Variants in CHM observed in about 807,000 individuals in gnomAD.
CHM encodes CHM Rab escort protein.
A neutral mutation model predicts 49.0 loss-of-function variants in CHM; 10 were observed. The observed-to-expected ratio is 0.20, with a 90% confidence interval of 0.13 to 0.35. The LOEUF is 0.35. CHM is among the 10% of genes least tolerant of loss of function. The pLI is 1.00. For synonymous variants in CHM, 184 were observed against 167.5 expected (o/e 1.10, Z -0.76); for missense variants, 455 against 478.4 (o/e 0.95, Z 0.46).
rs1009605685 is a variant in CHM at position 85,947,968 on chromosome X, C to T, written c.1166+8185G>A. Among the ~76,000 whole-genome samples, 5 of 111,477 alleles carry T rather than the reference C, an allele frequency of 4.5e-5. No individual in the cohort carries two copies. The Admixed American group carries it at 4.8e-4, about 11-fold the overall frequency. ...ACCACATTAAAGGAAAAAATTAGAT[C>T]AAATCTAGGCCACAGAATAATGAAA... On this transcript the variant is annotated intron_variant, in intron 8 of 14. Coordinates refer to ENST00000357749, the MANE Select transcript of CHM (RefSeq NM_000390.4).
Position 85,978,850 on chromosome X carries a change from G to T in CHM, c.231C>A (p.Asp77Glu), listed in dbSNP as rs1272374695. 8.3e-7 allele frequency: 1 copy of T among 1,204,596 alleles called. No homozygotes were observed. Among genetic ancestry groups the T allele is most frequent in the Non-Finnish European group, 1.1e-6 (1 of 890,935 alleles). The change falls in exon 4 of 15, where the codon GAC becomes GAA. Residue 77 changes from aspartate (D) to glutamate (E), a missense_variant. Asp to Glu is a conservative substitution (Grantham distance 45, BLOSUM62 2). Transcript: ENST00000357749. The part of the protein sequence containing the change: ...DIVSDSPVWQ[D>E]QILENEEAIA... ...TGGCTTCTTCATTTTCAAGGATCTG[G>T]TCTTGCCACACTGGACTGTCACTTA...
At chrX:85,983,877 G>A (rs1463568766) in intron 2 of CHM, among the ~76,000 whole-genome samples, 1 of 111,578 alleles carries the variant, frequency 9.0e-6, no homozygotes, top group African/African-American at 3.3e-5. Context: ...GAATGGGCCA[G>A]ACACAAATAT....
At chrX:86,010,280 CCAA>C (rs1265649479) in intron 2 of CHM, among the ~76,000 whole-genome samples, 1 of 102,009 alleles carries the variant, frequency 9.8e-6, no homozygotes, top group Non-Finnish European at 2.0e-5. Context: ...GTGCAGCAAA[CCAA>C]CATGGCACAT....
In CHM at chrX:85,991,296, T is replaced by A. The variant is rs186362944; in HGVS notation, c.117-9487A>T. 2.2e-3 allele frequency among the ~76,000 whole-genome samples: 248 copies of A among 111,388 alleles called. 1 individual carries two copies. The highest frequency in any genetic ancestry group is 7.8e-3 in the African/African-American group (238 of 30,688). ...GACACTATGACTTGTCTGTGTAGAG[T>A]TTAGTCACTAGTCAGGGCCACACAG... On this transcript the variant is annotated intron_variant, in intron 2 of 14. Transcript: ENST00000357749.
intron 8 of CHM, among the ~76,000 whole-genome samples, chrX:85,913,880 A>G (rs1160447675): frequency 9.0e-6 from 1 of 110,553 alleles, no homozygotes; most frequent in African/African-American, 3.3e-5. Context: ...AGACAAGCAT[A>G]CTGCGAACAG....
intron 12 of CHM, among the ~76,000 whole-genome samples, chrX:85,880,181 CTAA>C (rs1346014089): frequency 1.8e-5 from 2 of 111,209 alleles, no homozygotes; most frequent in Non-Finnish European, 3.8e-5. Context: ...TACTTATGGC[CTAA>C]TAATAGGTCT....
At chrX:86,020,956 C>A (rs1461904764) in intron 2 of CHM, among the ~76,000 whole-genome samples, 1 of 97,361 alleles carries the variant, frequency 1.0e-5, no homozygotes, top group Non-Finnish European at 2.0e-5. Flanking sequence ...CATTATCTAT[C>A]AGAGATATAT....
intron 2 of CHM, among the ~76,000 whole-genome samples, chrX:86,013,291 C>G (rs1933153756): frequency 9.0e-6 from 1 of 111,688 alleles, no homozygotes; most frequent in Non-Finnish European, 1.9e-5. Context: ...GCAACACAGG[C>G]TGAGTGGGCG....
intron 14 of CHM, among the ~76,000 whole-genome samples, chrX:85,870,208 G>T (rs1923962074): frequency 9.0e-6 from 1 of 111,638 alleles, no homozygotes. Flanking sequence ...TTGTTTTGAG[G>T]ACCAAATAAG....
intron 1 of CHM, among the ~76,000 whole-genome samples, chrX:86,037,448 T>C (rs1294976895): frequency 9.0e-6 from 1 of 111,433 alleles, no homozygotes; most frequent in Non-Finnish European, 1.9e-5. Flanking sequence ...AACACAAATA[T>C]TTCTATTGTA....
chrX:85,930,952 A>T (rs1928391316), intron 8 of CHM, among the ~76,000 whole-genome samples: 1 of 111,691 alleles, frequency 9.0e-6, no homozygotes. Context: ...AACAACAAAC[A>T]TGTTTACAAA....
At chrX:85,972,593 T>A (rs1930998786) in intron 4 of CHM, among the ~76,000 whole-genome samples, 1 of 113,074 alleles carries the variant, frequency 8.8e-6, no homozygotes, top group Non-Finnish European at 1.9e-5. Flanking sequence ...CCGCAGCCAC[T>A]GGCCCGGGTG....
chrX:85,972,589 C>T (rs1324417639), intron 4 of CHM, among the ~76,000 whole-genome samples: 1 of 113,223 alleles, frequency 8.8e-6, no homozygotes, highest in African/African-American at 3.2e-5. Context: ...CCCTCCGCAG[C>T]CACTGGCCCG....
intron 13 of CHM, among the ~76,000 whole-genome samples, chrX:85,876,022 TCAA>T (rs989781465): frequency 7.2e-5 from 8 of 111,534 alleles, no homozygotes; most frequent in Admixed American, 2.9e-4. Context: ...CTCCTACAAC[TCAA>T]CAACAACAAA....
intron 9 of CHM, among the ~76,000 whole-genome samples, chrX:85,902,806 T>C (rs16980334): frequency 0.031 from 3,425 of 111,878 alleles, 120 homozygotes; most frequent in African/African-American, 0.1. Flanking sequence ...TCATTAAACA[T>C]CAATCTCTAT....
At chrX:85,967,814 C>A (rs1285612581) in intron 4 of CHM, among the ~76,000 whole-genome samples, 1 of 111,426 alleles carries the variant, frequency 9.0e-6, no homozygotes, top group East Asian at 2.8e-4. Context: ...AATTCATATA[C>A]TACTCTGAGA....
intron 11 of CHM, among the ~76,000 whole-genome samples, 171 bp from the exon 12 acceptor site, chrX:85,894,455 T>A (rs991279968): frequency 8.9e-6 from 1 of 112,022 alleles, no homozygotes; most frequent in Non-Finnish European, 1.9e-5. Flanking sequence ...CATATTTATG[T>A]ATCATTTTCA....
At position 85,901,191 on chromosome X, in the gene CHM, A is replaced by G. The variant is rs1413142722; in HGVS notation, c.1245-3T>C. 2 of 1,063,888 alleles carry G rather than the reference A, an allele frequency of 1.9e-6. No individual in the cohort carries two copies. The highest frequency in any genetic ancestry group is 1.9e-5 in the African/African-American group (1 of 53,993). The allele number at this position is 1,063,888 out of a possible 1,213,427, so 87.7% of individuals were successfully genotyped here. On this transcript the variant is annotated splice_polypyrimidine_tract_variant and splice_region_variant and intron_variant, in intron 9 of 14. Coordinates refer to ENST00000357749, the MANE Select transcript of CHM (RefSeq NM_000390.4). ...ACTGATCTATAATTGCTTTACATCT[A>G]TAAAGAAGATAAGCATACCATAAAA...
At chrX:85,987,502 A>C (rs748834025) in intron 2 of CHM, among the ~76,000 whole-genome samples, 2 of 112,393 alleles carry the variant, frequency 1.8e-5, no homozygotes, top group African/African-American at 6.5e-5. Flanking sequence ...CAACATTCTT[A>C]AAGAAAAAGA....
Sources: gnomAD v4.1 joint callset for allele counts (sites outside exome capture counted in the v4.1 genomes callset) on GRCh38, gnomAD v4.1.1 for gene constraint, MANE v1.5 for transcripts, NCBI Gene and HGNC (gene_info 2026-07-23, HGNC 2026-07-21) for gene names.